ARHGEF16: variants seen among roughly 807,000 people sequenced by gnomAD.
ARHGEF16 encodes the protein Rho guanine nucleotide exchange factor 16, also known as Rho guanine exchange factor (GEF) 16.
In ARHGEF16, 59 loss-of-function variants were observed where a neutral mutation model predicts 74.1. The observed-to-expected ratio is 0.80, with a 90% CI of 0.65 to 0.99. ARHGEF16 has a LOEUF of 0.99. Among genes scored for constraint, ARHGEF16 ranks in the 50% least tolerant of loss-of-function variants. The pLI is 0.00. For missense variants in ARHGEF16, 948 were observed against 986.6 expected, an observed-to-expected ratio of 0.96 and a Z score of 0.52; for synonymous variants, 415 against 412.6, an observed-to-expected ratio of 1.01 and a Z score of -0.07.
chr1:3,474,834 TCCCCACCCAA>T, intron 9 of ARHGEF16, 52 bp downstream of exon 9: 3 of 1,528,044 alleles, frequency 2.0e-6, no homozygotes, highest in Non-Finnish European at 2.7e-6. Context: ...CCCGACCCTG[TCCCCACCCAA>T]CCCCACCCTA....
intron 13 of ARHGEF16, 43 bp from the exon 14 acceptor site, chr1:3,479,769 C>T (rs751360395): frequency 6.3e-7 from 1 of 1,597,744 alleles, no homozygotes; most frequent in South Asian, 1.1e-5. Flanking sequence ...GGAGCCTGGC[C>T]CATGCCTCCC....
chr1:3,474,955 C>T (rs577388211), intron 9 of ARHGEF16, among the ~76,000 whole-genome samples, 173 bp downstream of exon 9: 2 of 151,996 alleles, frequency 1.3e-5, no homozygotes, highest in Admixed American at 6.5e-5. Flanking sequence ...AAACTGAGGC[C>T]CAGAGGTTCC....
At chr1:3,467,517 C>G (rs996617695) in intron 4 of ARHGEF16, among the ~76,000 whole-genome samples, 180 bp downstream of exon 4, 1 of 152,220 alleles carries the variant, frequency 6.6e-6, no homozygotes, top group Non-Finnish European at 1.5e-5. Context: ...GGGTCTCCCT[C>G]CTGTGCCCTC....
chr1:3,464,031 G>A (rs576506981), intron 2 of ARHGEF16, among the ~76,000 whole-genome samples: 128 of 152,338 alleles, frequency 8.4e-4, no homozygotes, highest in Middle Eastern at 3.4e-3. Flanking sequence ...TGACCTGGCT[G>A]CAGTGACTGG....
chr1:3,469,408 G>A, intron 5 of ARHGEF16, 25 bp from the exon 6 acceptor site: 1 of 1,611,578 alleles, frequency 6.2e-7, no homozygotes, highest in Non-Finnish European at 8.5e-7. Flanking sequence ...GTCACTGTGG[G>A]GCTCACCTAG....
chr1:3,474,099 CACAT>C (rs907190229), intron 8 of ARHGEF16: 9 of 190,222 alleles, frequency 4.7e-5, no homozygotes, highest in South Asian at 1.2e-4. Context: ...CGCCAGTACA[CACAT>C]GCATGCACAC....
chr1:3,463,684 C>T lies in ARHGEF16; in HGVS notation c.588+12C>T. On this transcript the variant is annotated intron_variant, in intron 2 of 14. Coordinates refer to ENST00000378378, the MANE Select transcript of ARHGEF16 (RefSeq NM_014448.4). ...CGGCCAAAAACAAGGTAGGGGCCTG[C>T]TCGTGTGGACCGTGGGGAGGGGGCT... 1 of 1,394,712 alleles carries T rather than the reference C, an allele frequency of 7.2e-7. No individual in the cohort carries two copies. Among genetic ancestry groups the T allele is most frequent in the Non-Finnish European group, 9.4e-7 (1 of 1,067,426 alleles). 86.4% of individuals were successfully genotyped at this position (1,394,712 alleles called of 1,614,324 possible). A position where few individuals can be genotyped will look rare whatever the true frequency, so the allele number is the denominator to read the frequency against.
chr1:3,474,348 G>T lies in ARHGEF16; in HGVS notation c.1306-360G>T. ...GCTTCCTGAGGCTACACATGGCAGG[G>T]TTGCCCAAGCCAAACAGAACCTCAA... On this transcript the variant is annotated intron_variant, in intron 8 of 14. Coordinates refer to ENST00000378378, the MANE Select transcript of ARHGEF16 (RefSeq NM_014448.4). 1.3e-5 allele frequency: 4 copies of T among 298,258 alleles called. No homozygotes were observed. The South Asian group carries it at 1.8e-4, about 13-fold the overall frequency. 18.5% of individuals were successfully genotyped at this position (298,258 alleles called of 1,614,324 possible). A position where few individuals can be genotyped will look rare whatever the true frequency, so the allele number is the denominator to read the frequency against.
chr1:3,466,181 T>C lies in ARHGEF16; in HGVS notation c.622T>C (p.Ser208Pro). The change falls in exon 3 of 15, where the codon TCC becomes CCC. Residue 208 changes from serine (S) to proline (P), a missense_variant. Physicochemically the swap from Ser to Pro is moderately conservative, Grantham distance 74. Transcript: ENST00000378378. ...TLGRKRGHKG[S>P]FKDDPQLYQE... is the part of the protein sequence containing the mutation. ...GGGGAGGAAACGTGGGCACAAGGGT[T>C]CCTTCAAGGACGGTGAGTGTGGCTT... is the stretch of plus-strand genomic sequence containing the variant. 6.5e-7 allele frequency: 1 copy of C among 1,545,250 alleles called. No homozygotes were observed. Among genetic ancestry groups the C allele is most frequent in the Non-Finnish European group, 8.7e-7 (1 of 1,144,680 alleles).
rs1200974347 is a variant in ARHGEF16, at chr1:3,480,214, C to T, written c.1991-234C>T. Among the ~76,000 whole-genome samples, 6 of 152,364 alleles carry T rather than the reference C, an allele frequency of 3.9e-5. No homozygotes were observed. The South Asian group carries it at 6.2e-4, about 16-fold the overall frequency. On this transcript the variant is annotated intron_variant, in intron 14 of 14. Transcript: ENST00000378378. ...AGGCAGGGCTCCTCCTCATGCCGGGCAGCGCTGTGTGGGGTGTGCTCAGCC... is the reference window on the plus strand; with the variant it reads ...AGGCAGGGCTCCTCCTCATGCCGGGTAGCGCTGTGTGGGGTGTGCTCAGCC...
At chr1:3,455,661 A>G (rs1639250687) in intron 1 of ARHGEF16, among the ~76,000 whole-genome samples, 1 of 151,920 alleles carries the variant, frequency 6.6e-6, no homozygotes, top group African/African-American at 2.4e-5. Context: ...ACCACCTAAC[A>G]TGGGGGCCTA....
At chr1:3,479,996 C>A (rs1640011829) in intron 14 of ARHGEF16, 83 bp downstream of exon 14, 1 of 1,381,468 alleles carries the variant, frequency 7.2e-7, no homozygotes, top group Non-Finnish European at 1.0e-6. Flanking sequence ...AGGTCCAGAG[C>A]ATGCCGGGCT....
At chr1:3,472,909 G>C (rs1639770970) in intron 6 of ARHGEF16, 169 bp from the exon 7 acceptor site, 1 of 279,860 alleles carries the variant, frequency 3.6e-6, no homozygotes, top group East Asian at 1.5e-4. Flanking sequence ...AGCATCCCAG[G>C]TCCGGGTCCC....
chr1:3,478,454 C>T lies in ARHGEF16; in HGVS notation c.1656C>T (p.Ala552=). ...AGAGCTACATGGTCCAGGACTACGC[C>T]CAGATGAACCACATCCAGGTGGAGA... The part of the protein sequence containing the change: ...SEESYMVQDY[A]QMNHIQVEKI... Residue 552 remains alanine (A), a synonymous_variant, in exon 12 of 15, where the codon GCC becomes GCT. Transcript: ENST00000378378. 6.2e-7 allele frequency: 1 copy of T among 1,611,444 alleles called. No homozygotes were observed. The highest frequency in any genetic ancestry group is 1.3e-5 in the African/African-American group (1 of 75,038).
chr1:3,480,663 G>A lies in ARHGEF16; in HGVS notation c.*76G>A. 6.5e-7 allele frequency: 1 copy of A among 1,541,848 alleles called. No individual in the cohort carries two copies. Among genetic ancestry groups the A allele is most frequent in the East Asian group, 2.3e-5 (1 of 43,504 alleles). On this transcript the variant is annotated 3_prime_UTR_variant, in exon 15 of 15. Transcript: ENST00000378378. ...GGTCGTGCCTGGCTCTAGAGAGCGT[G>A]GGGAGCTGGTCTCAAGGACCCAGCA...
intron 8 of ARHGEF16, 43 bp downstream of exon 8, chr1:3,473,565 G>C (rs748654124): frequency 6.2e-6 from 10 of 1,600,046 alleles, no homozygotes. Flanking sequence ...TACCATCCTG[G>C]GGTCCCACGG....
At chr1:3,468,669 G>C (rs116083742) in intron 4 of ARHGEF16, 500 of 591,064 alleles carry the variant, frequency 8.5e-4, no homozygotes, top group African/African-American at 7.0e-3. Flanking sequence ...TGGGGGGAGC[G>C]GGGGGCTGAC....
chr1:3,468,988 C>T, intron 5 of ARHGEF16, 52 bp downstream of exon 5: 2 of 1,544,870 alleles, frequency 1.3e-6, no homozygotes, highest in Non-Finnish European at 1.7e-6. Flanking sequence ...GGCCATGCAA[C>T]ACCCGGGGAG....
At chr1:3,470,637 GTC>G (rs1639685691) in intron 6 of ARHGEF16, among the ~76,000 whole-genome samples, 1 of 150,372 alleles carries the variant, frequency 6.7e-6, no homozygotes, top group African/African-American at 2.5e-5. Context: ...GGGCAGGGAT[GTC>G]TGTGTATCTG....
Sources: allele counts gnomAD v4.1 joint callset (sites outside exome capture counted in the v4.1 genomes callset), GRCh38; gene constraint gnomAD v4.1.1; transcripts MANE v1.5; gene names NCBI Gene and HGNC (gene_info 2026-07-23, HGNC 2026-07-21).